WDR19: variants seen among roughly 807,000 people sequenced by gnomAD.
The protein encoded by WDR19 is WD repeat-containing protein 19.
A neutral mutation model predicts 180.0 loss-of-function variants in WDR19; 121 were observed. That is an observed-to-expected ratio of 0.67 (90% CI 0.58 to 0.78). The LOEUF (loss-of-function observed/expected upper bound fraction) is 0.78, where lower values mean the gene tolerates loss of function less well. WDR19 is among the 30% of genes least tolerant of loss of function. The pLI, the probability that WDR19 is intolerant of heterozygous loss-of-function variation, is 0.00. For missense variants in WDR19, 1,450 were observed against 1,640.7 expected (o/e 0.88, Z 2.01); for synonymous variants, 497 against 540.7 (o/e 0.92, Z 1.12).
intron 35 of WDR19, 38 bp from the exon 36 acceptor site, chr4:39,278,501 T>C (rs1228634559): frequency 6.6e-7 from 1 of 1,518,520 alleles, no homozygotes; most frequent in Non-Finnish European, 9.1e-7. Context: ...AGGAATGTTA[T>C]ATATTTAATT....
At chr4:39,250,951 T>A (rs1733101205) in intron 24 of WDR19, among the ~76,000 whole-genome samples, 1 of 152,184 alleles carries the variant, frequency 6.6e-6, no homozygotes, top group Non-Finnish European at 1.5e-5. Flanking sequence ...ATTTATAGAT[T>A]CAATGCCATC....
chr4:39,230,302 T>C (rs1406999118), intron 17 of WDR19, among the ~76,000 whole-genome samples: 1 of 152,168 alleles, frequency 6.6e-6, no homozygotes, highest in Non-Finnish European at 1.5e-5. Context: ...GTAACCCCTC[T>C]TTCTTTACCC....
chr4:39,247,698 G>A (rs189824165), intron 24 of WDR19, among the ~76,000 whole-genome samples: 3 of 152,180 alleles, frequency 2.0e-5, no homozygotes, highest in Non-Finnish European at 2.9e-5. Context: ...CAAGAATTAC[G>A]CGACGAATCC....
intron 13 of WDR19, among the ~76,000 whole-genome samples, chr4:39,217,563 T>C (rs1345623202): frequency 6.6e-6 from 1 of 152,172 alleles, no homozygotes; most frequent in Non-Finnish European, 1.5e-5. Flanking sequence ...CTGATGGGAA[T>C]GCCATACCTT....
intron 28 of WDR19, among the ~76,000 whole-genome samples, chr4:39,262,441 AT>A (rs1734383711): frequency 6.6e-6 from 1 of 152,056 alleles, no homozygotes; most frequent in Non-Finnish European, 1.5e-5. Context: ...GGTTTTTGCT[AT>A]GTTGCCTTGG....
intron 31 of WDR19, among the ~76,000 whole-genome samples, chr4:39,270,669 C>T (rs1254852751): frequency 3.3e-5 from 5 of 151,658 alleles, no homozygotes; most frequent in African/African-American, 4.8e-5. Context: ...TGAGCCACCA[C>T]GCTCAGCTTT....
At position 39,228,436 on chromosome 4, in the gene WDR19, T is replaced by C. The variant is rs371679697; in HGVS notation, c.1778-50T>C. ...AAAATTAAAACATTCTTTCTGATGT[T>C]TGTGCTGAGTATTAGCTTTCAGCAT... On this transcript the variant is annotated intron_variant, in intron 16 of 36. Transcript: ENST00000399820. 1.9e-5 allele frequency: 30 copies of C among 1,604,358 alleles called. No homozygotes were observed. In the Middle Eastern group the frequency reaches 6.6e-4, roughly 35 times the overall value.
intron 23 of WDR19, among the ~76,000 whole-genome samples, 189 bp downstream of exon 23, chr4:39,244,741 T>A (rs1453530650): frequency 6.6e-6 from 1 of 152,152 alleles, no homozygotes; most frequent in Non-Finnish European, 1.5e-5. Flanking sequence ...GAATAGCACA[T>A]TCTCCTGGTT....
At chr4:39,246,184 A>G (rs1732497493) in intron 24 of WDR19, among the ~76,000 whole-genome samples, 1 of 152,228 alleles carries the variant, frequency 6.6e-6, no homozygotes, top group African/African-American at 2.4e-5. Flanking sequence ...TGTTGTCAAA[A>G]TGTGCTTATA....
At chr4:39,198,548 G>A (rs376745944) in intron 5 of WDR19, among the ~76,000 whole-genome samples, 6 of 150,066 alleles carry the variant, frequency 4.0e-5, no homozygotes, top group Admixed American at 3.3e-4. Flanking sequence ...GCGACAGAGC[G>A]AGACTCCGTC....
intron 5 of WDR19, among the ~76,000 whole-genome samples, chr4:39,195,020 G>C (rs1198590246): frequency 5.3e-5 from 8 of 152,048 alleles, no homozygotes. Context: ...ATTAATTTTA[G>C]TTAATTTAGT....
At chr4:39,220,755 G>A (rs964047039) in intron 14 of WDR19, among the ~76,000 whole-genome samples, 6 of 150,172 alleles carry the variant, frequency 4.0e-5, no homozygotes, top group African/African-American at 9.7e-5. Flanking sequence ...TGATCCACCC[G>A]CCTCAGCCTC....
chr4:39,259,795 A>G (rs1020450729), intron 28 of WDR19, among the ~76,000 whole-genome samples: 1 of 152,208 alleles, frequency 6.6e-6, no homozygotes, highest in African/African-American at 2.4e-5. Flanking sequence ...CATTCTGAGA[A>G]ACTGTCCAAC....
chr4:39,190,516 A>G (rs565775160), intron 4 of WDR19, among the ~76,000 whole-genome samples: 3 of 152,312 alleles, frequency 2.0e-5, no homozygotes, highest in Non-Finnish European at 4.4e-5. Context: ...CAATTTCTTC[A>G]TCTGTATGAC....
chr4:39,221,605 G>A (rs1403772729), intron 14 of WDR19, among the ~76,000 whole-genome samples: 1 of 152,226 alleles, frequency 6.6e-6, no homozygotes, highest in Non-Finnish European at 1.5e-5. Context: ...GAGCTCAGGA[G>A]TTTGAGGCTC....
At chr4:39,209,393 C>T (rs1208488884) in intron 9 of WDR19, among the ~76,000 whole-genome samples, 1 of 151,892 alleles carries the variant, frequency 6.6e-6, no homozygotes, top group Non-Finnish European at 1.5e-5. Context: ...AAAAGGGCCT[C>T]AAATCAGTAA....
At chr4:39,231,426 G>A (rs866915362) in intron 17 of WDR19, among the ~76,000 whole-genome samples, 2 of 151,392 alleles carry the variant, frequency 1.3e-5, no homozygotes, top group African/African-American at 2.4e-5. Flanking sequence ...ATAGTTTGCT[G>A]ACCCCTGTTT....
intron 20 of WDR19, among the ~76,000 whole-genome samples, chr4:39,236,663 T>A (rs1397886548): frequency 6.6e-6 from 1 of 152,194 alleles, no homozygotes; most frequent in Non-Finnish European, 1.5e-5. Context: ...GAGTTGCACA[T>A]GTATGAAAAT....
chr4:39,247,606 A>G (rs2109417752), intron 24 of WDR19, among the ~76,000 whole-genome samples: 1 of 152,186 alleles, frequency 6.6e-6, no homozygotes, highest in African/African-American at 2.4e-5. Context: ...AAAAACTTTG[A>G]AAAAAAATTA....
Sources: allele counts gnomAD v4.1 joint callset (sites outside exome capture counted in the v4.1 genomes callset), GRCh38; gene constraint gnomAD v4.1.1; transcripts MANE v1.5; gene names NCBI Gene and HGNC (gene_info 2026-07-23, HGNC 2026-07-21).